The following LAMA2 variants were observed in gnomAD, a reference collection of about 807,000 sequenced individuals.
LAMA2 encodes laminin subunit alpha-2.
In LAMA2, 269 loss-of-function variants were observed where a neutral mutation model predicts 364.8. The observed-to-expected ratio is 0.74, with a 90% CI of 0.67 to 0.82. LAMA2 has a LOEUF of 0.82. LAMA2 is among the 40% of genes least tolerant of loss of function. The pLI is 0.00. For missense variants in LAMA2, 3,807 were observed against 3,873.2 expected, an observed-to-expected ratio of 0.98 and a Z score of 0.45; for synonymous variants, 1,379 against 1,370.6, an observed-to-expected ratio of 1.01 and a Z score of -0.14.
chr6:129,177,014 T>C (rs1780636524), intron 9 of LAMA2, among the ~76,000 whole-genome samples: 2 of 152,172 alleles, frequency 1.3e-5, no homozygotes, highest in Admixed American at 1.3e-4. Context: ...TGATTTGCTT[T>C]TATCTTTCTC....
intron 1 of LAMA2, among the ~76,000 whole-genome samples, chr6:128,913,017 G>A (rs886172308): frequency 3.9e-5 from 6 of 152,026 alleles, no homozygotes; most frequent in Non-Finnish European, 8.8e-5. Flanking sequence ...TAAGGGACTG[G>A]AATTTAAGTT....
chr6:129,504,553 A>G (rs1393122357), intron 60 of LAMA2, among the ~76,000 whole-genome samples: 1 of 152,156 alleles, frequency 6.6e-6, no homozygotes, highest in African/African-American at 2.4e-5. Flanking sequence ...ACCTAAATTC[A>G]GACTCAAGGT....
chr6:129,334,497 A>G (rs1482595401), intron 29 of LAMA2, among the ~76,000 whole-genome samples: 2 of 152,234 alleles, frequency 1.3e-5, no homozygotes, highest in East Asian at 3.8e-4. Context: ...GATGATAATT[A>G]CCATACACAT....
Position 129,252,220 on chromosome 6 carries a change from TTA to T in LAMA2, c.2023_2024del (p.Met675AspfsTer29), listed in dbSNP as rs1300341861. ...CATTTTCCAGTCCGTAGAAAGGAAT[TTA>T]TGACAGTGCTTGCGAATTTGAAGAG... On this transcript the variant is annotated frameshift_variant, in exon 14 of 65. Transcript: ENST00000421865. LOFTEE classifies it high-confidence loss of function. The T allele has an allele frequency of 6.2e-7, 1 of 1,614,050 alleles. No homozygotes were observed. Among genetic ancestry groups the T allele is most frequent in the Admixed American group, 1.7e-5 (1 of 60,024 alleles).
chr6:128,884,294 A>C (rs1055222727), intron 1 of LAMA2, among the ~76,000 whole-genome samples: 1 of 152,106 alleles, frequency 6.6e-6, no homozygotes, highest in South Asian at 2.1e-4. Context: ...CAATTCTTTA[A>C]GTTGGAAAAC....
chr6:128,975,118 C>G (rs982020471), intron 1 of LAMA2, among the ~76,000 whole-genome samples: 15 of 152,140 alleles, frequency 9.9e-5, no homozygotes, highest in African/African-American at 3.1e-4. Context: ...TCCCAAAGTG[C>G]TGGGATTACA....
rs539581843 is a variant in LAMA2, at chr6:128,963,204, A to G, written c.112+79847A>G. ...GCCCCTATCCTCCCTCCCTTTCTGT[A>G]TTTTTACCTTTCTTCCCTTATTGAT... On this transcript the variant is annotated intron_variant, in intron 1 of 64. Transcript: ENST00000421865. Among the ~76,000 whole-genome samples, 3 of 151,948 alleles carry G rather than the reference A, an allele frequency of 2.0e-5. No homozygotes were observed. In the South Asian group the frequency reaches 6.2e-4, roughly 32 times the overall value.
At position 129,278,484 on chromosome 6, in the gene LAMA2, C is replaced by T. The variant is rs895739975; in HGVS notation, c.2451-1577C>T. 6.6e-5 allele frequency among the ~76,000 whole-genome samples: 10 copies of T among 152,238 alleles called. No individual in the cohort carries two copies. The East Asian group carries it at 1.4e-3, about 21-fold the overall frequency. On this transcript the variant is annotated intron_variant, in intron 17 of 64. Transcript: ENST00000421865. Reference sequence around the variant, plus strand: ...TCTGAAAACAGTAACAGCAAATCACCGGATGTGGATGAGAGGAAATCCTTT... The same window carrying T: ...TCTGAAAACAGTAACAGCAAATCACTGGATGTGGATGAGAGGAAATCCTTT...
intron 1 of LAMA2, among the ~76,000 whole-genome samples, chr6:128,914,795 A>G (rs1029103504): frequency 2.0e-5 from 3 of 152,074 alleles, no homozygotes; most frequent in Non-Finnish European, 2.9e-5. Flanking sequence ...TGATAATTAA[A>G]CTGGGTTGAT....
chr6:129,242,117 A>C (rs950500394), intron 12 of LAMA2, among the ~76,000 whole-genome samples: 1 of 152,146 alleles, frequency 6.6e-6, no homozygotes, highest in Non-Finnish European at 1.5e-5. Context: ...GTACGTAAGC[A>C]ATGAGGATTG....
chr6:128,912,389 G>T (rs1281190367), intron 1 of LAMA2, among the ~76,000 whole-genome samples: 1 of 152,072 alleles, frequency 6.6e-6, no homozygotes, highest in Non-Finnish European at 1.5e-5. Flanking sequence ...AAAGATAAAA[G>T]TTGGCTCTAT....
intron 52 of LAMA2, among the ~76,000 whole-genome samples, chr6:129,473,777 T>A (rs1434649480): frequency 6.6e-6 from 1 of 152,058 alleles, no homozygotes; most frequent in Non-Finnish European, 1.5e-5. Context: ...ATTAGCATCA[T>A]AATGGCGTGT....
Position 129,475,370 on chromosome 6 carries a change from TC to T in LAMA2, c.7440-18del. 2 of 1,422,504 alleles carry T rather than the reference TC, an allele frequency of 1.4e-6. No homozygotes were observed. The highest frequency in any genetic ancestry group is 1.2e-5 in the South Asian group (1 of 80,026). The allele number at this position is 1,422,504 out of a possible 1,614,324, so 88.1% of individuals were successfully genotyped here. On this transcript the variant is annotated intron_variant, in intron 52 of 64. Coordinates refer to ENST00000421865, the MANE Select transcript of LAMA2 (RefSeq NM_000426.4). Reference sequence around the variant, plus strand: ...ATTGTTTTTATTTTTGTTTTTTTTTTCCTCTTTCCCGTTATCTAGTATGAAA... The same window carrying T: ...ATTGTTTTTATTTTTGTTTTTTTTTTCTCTTTCCCGTTATCTAGTATGAAA...
At chr6:129,297,544 A>G (rs772850464) in intron 20 of LAMA2, 141 bp from the exon 21 acceptor site, 5 of 750,390 alleles carry the variant, frequency 6.7e-6, no homozygotes, top group Non-Finnish European at 1.1e-5. Context: ...TTGAATGAAA[A>G]CCCAATTGTC....
At chr6:129,408,069 T>A (rs1488817222) in intron 40 of LAMA2, among the ~76,000 whole-genome samples, 1 of 152,120 alleles carries the variant, frequency 6.6e-6, no homozygotes, top group Non-Finnish European at 1.5e-5. Flanking sequence ...CCTCTGGAAC[T>A]AAGATGTCTA....
At chr6:129,011,831 G>A (rs1784788086) in intron 1 of LAMA2, among the ~76,000 whole-genome samples, 3 of 152,276 alleles carry the variant, frequency 2.0e-5, no homozygotes, top group South Asian at 4.2e-4. Context: ...AAAAGGGATG[G>A]AGATAAAGGG....
chr6:129,396,533 C>T (rs2114681533), intron 37 of LAMA2, among the ~76,000 whole-genome samples: 1 of 152,094 alleles, frequency 6.6e-6, no homozygotes, highest in South Asian at 2.1e-4. Flanking sequence ...GAATTTGGAG[C>T]CAGATCATAG....
chr6:129,090,167 A>G (rs916722800), intron 3 of LAMA2, among the ~76,000 whole-genome samples: 1 of 152,170 alleles, frequency 6.6e-6, no homozygotes, highest in Non-Finnish European at 1.5e-5. Context: ...AATATACACA[A>G]AAGTATAGAG....
At chr6:129,166,184 A>C (rs1311470779) in intron 9 of LAMA2, among the ~76,000 whole-genome samples, 1 of 152,200 alleles carries the variant, frequency 6.6e-6, no homozygotes, top group African/African-American at 2.4e-5. Flanking sequence ...TAATGAACAG[A>C]AAGAGGCTGA....
Sources: gnomAD v4.1 joint callset for allele counts (sites outside exome capture counted in the v4.1 genomes callset) on GRCh38, gnomAD v4.1.1 for gene constraint, MANE v1.5 for transcripts, NCBI Gene and HGNC (gene_info 2026-07-23, HGNC 2026-07-21) for gene names.